Variants in OPCML observed in about 807,000 individuals in gnomAD.
The protein encoded by OPCML is opioid binding protein/cell adhesion molecule like.
Under a neutral mutation model 37.8 loss-of-function variants are expected in OPCML, and 13 were observed. That is an observed-to-expected ratio of 0.34 (90% CI 0.22 to 0.55). The LOEUF is 0.55. Among genes scored for constraint, OPCML ranks in the 20% least tolerant of loss-of-function variants. The pLI is 0.91. For missense variants in OPCML, 341 were observed against 435.6 expected (o/e 0.78, Z 1.93); for synonymous variants, 176 against 168.8 (o/e 1.04, Z -0.33).
chr11:132,781,363 G>A (rs1157658587), intron 2 of OPCML, among the ~76,000 whole-genome samples: 1 of 151,868 alleles, frequency 6.6e-6, no homozygotes, highest in Non-Finnish European at 1.5e-5. Flanking sequence ...TGCTTGAGCC[G>A]GGACACTGGG....
chr11:133,047,419 T>C (rs1317022307), intron 1 of OPCML, among the ~76,000 whole-genome samples: 2 of 152,234 alleles, frequency 1.3e-5, no homozygotes, highest in Non-Finnish European at 2.9e-5. Flanking sequence ...CTTGATTCGG[T>C]TGTTATTTAT....
chr11:132,581,134 A>G (rs555603844), intron 3 of OPCML, among the ~76,000 whole-genome samples: 41 of 152,180 alleles, frequency 2.7e-4, no homozygotes, highest in Non-Finnish European at 2.8e-4. Context: ...ACTTGCCCCA[A>G]TTCAGGTAAA....
chr11:133,292,776 G>A (rs1184913126), intron 1 of OPCML, among the ~76,000 whole-genome samples: 1 of 152,182 alleles, frequency 6.6e-6, no homozygotes, highest in African/African-American at 2.4e-5. Context: ...CAGTGAATGA[G>A]CTGCAGAGAG....
chr11:132,855,782 T>C (rs1235446114), intron 2 of OPCML, among the ~76,000 whole-genome samples: 1 of 152,202 alleles, frequency 6.6e-6, no homozygotes, highest in Admixed American at 6.5e-5. Flanking sequence ...AAATAAATAT[T>C]TGCTTTATGC....
chr11:133,440,979 T>C (rs1946355017), intron 1 of OPCML, among the ~76,000 whole-genome samples: 1 of 151,432 alleles, frequency 6.6e-6, no homozygotes, highest in Non-Finnish European at 1.5e-5. Context: ...GAAATTGTCA[T>C]AATTCTCTGC....
intron 2 of OPCML, among the ~76,000 whole-genome samples, chr11:132,830,226 G>A (rs1002727858): frequency 6.6e-6 from 1 of 152,066 alleles, no homozygotes; most frequent in Non-Finnish European, 1.5e-5. Flanking sequence ...TGCACATCTG[G>A]TGTTTCTTCC....
At chr11:132,559,054 T>C (rs2096404627) in intron 3 of OPCML, among the ~76,000 whole-genome samples, 1 of 152,028 alleles carries the variant, frequency 6.6e-6, no homozygotes, top group Non-Finnish European at 1.5e-5. Context: ...TCCATGTATA[T>C]TTAGTTTGAG....
At chr11:132,627,265 G>A (rs975645086) in intron 3 of OPCML, among the ~76,000 whole-genome samples, 1 of 152,088 alleles carries the variant, frequency 6.6e-6, no homozygotes, top group Non-Finnish European at 1.5e-5. Flanking sequence ...CTAACCTGTA[G>A]GTGAAATGTC....
chr11:133,380,415 T>C (rs912480420), intron 1 of OPCML, among the ~76,000 whole-genome samples: 3 of 152,190 alleles, frequency 2.0e-5, no homozygotes, highest in Admixed American at 6.5e-5. Flanking sequence ...GCATGCTCTT[T>C]TGTCTATTTC....
intron 3 of OPCML, among the ~76,000 whole-genome samples, chr11:132,542,883 G>T (rs2096360282): frequency 6.6e-6 from 1 of 152,280 alleles, no homozygotes; most frequent in South Asian, 2.1e-4. Flanking sequence ...GCCAAGATTA[G>T]ATCACTGTGC....
chr11:133,274,510 T>A (rs1941938482), intron 1 of OPCML, among the ~76,000 whole-genome samples: 1 of 152,222 alleles, frequency 6.6e-6, no homozygotes, highest in Admixed American at 6.5e-5. Flanking sequence ...GGTTCTCCCC[T>A]GTAGGTTTCT....
At chr11:132,611,466 C>G (rs567699411) in intron 3 of OPCML, among the ~76,000 whole-genome samples, 1 of 152,304 alleles carries the variant, frequency 6.6e-6, no homozygotes, top group African/African-American at 2.4e-5. Context: ...CTGGAAAATT[C>G]TCCCAACATG....
chr11:132,629,669 C>T (rs77991886), intron 3 of OPCML, among the ~76,000 whole-genome samples: 2,306 of 152,178 alleles, frequency 0.015, 54 homozygotes, highest in African/African-American at 0.052. Context: ...TACTTGGCCC[C>T]AGGTGCAGCG....
chr11:132,803,716 G>A (rs1318433684), intron 2 of OPCML, among the ~76,000 whole-genome samples: 2 of 152,118 alleles, frequency 1.3e-5, no homozygotes, highest in African/African-American at 4.8e-5. Flanking sequence ...TAGTTGTTAA[G>A]GTATAGGAGC....
At position 133,404,334 on chromosome 11, in the gene OPCML, G is replaced by A. The variant is rs542203900; in HGVS notation, c.61+127930C>T. ...CAAATAAGGTCACATTCGCAGGCGC[G>A]AGGAGTAGAACTTGTACCTATCTTT... On this transcript the variant is annotated intron_variant, in intron 1 of 7. Coordinates refer to ENST00000524381, the MANE Select transcript of OPCML (RefSeq NM_001012393.5). Among the ~76,000 whole-genome samples the A allele has an allele frequency of 7.9e-5, 12 of 152,296 alleles. No individual in the cohort carries two copies. In the South Asian group the frequency reaches 2.3e-3, roughly 29 times the overall value.
At chr11:133,219,305 G>A (rs140327330) in intron 1 of OPCML, among the ~76,000 whole-genome samples, 22 of 152,334 alleles carry the variant, frequency 1.4e-4, no homozygotes, top group East Asian at 5.8e-4. Flanking sequence ...TCATTACAAT[G>A]TAGTCCAACA....
chr11:133,529,020 A>T (rs935177075), intron 1 of OPCML, among the ~76,000 whole-genome samples: 1 of 152,194 alleles, frequency 6.6e-6, no homozygotes, highest in Non-Finnish European at 1.5e-5. Context: ...GGCAATGACA[A>T]CATCTTCTTG....
At chr11:133,483,653 TAGAC>T (rs199641638) in intron 1 of OPCML, among the ~76,000 whole-genome samples, 3,460 of 149,878 alleles carry the variant, frequency 0.023, 129 homozygotes, top group African/African-American at 0.079. Context: ...ATTAGGTAGA[TAGAC>T]AGATTAGATA....
chr11:132,867,455 G>C (rs537415731), intron 2 of OPCML, among the ~76,000 whole-genome samples: 5 of 152,158 alleles, frequency 3.3e-5, no homozygotes, highest in Non-Finnish European at 7.3e-5. Flanking sequence ...GAAATAAAAT[G>C]TTTGTTTTGT....
Sources: allele counts gnomAD v4.1 joint callset (sites outside exome capture counted in the v4.1 genomes callset), GRCh38; gene constraint gnomAD v4.1.1; transcripts MANE v1.5; gene names NCBI Gene and HGNC (gene_info 2026-07-23, HGNC 2026-07-21).